The following SLC10A7 variants were observed in gnomAD, a reference collection of about 807,000 sequenced individuals.
SLC10A7 encodes solute carrier family 10 member 7, also known as sodium/bile acid cotransporter 7.
SLC10A7 carries 29 observed loss-of-function variants against 43.2 expected under a neutral mutation model. The ratio of observed to expected loss-of-function variants is 0.67; its 90% CI spans 0.50 to 0.92. The LOEUF (loss-of-function observed/expected upper bound fraction) is 0.92. Among genes scored for constraint, SLC10A7 ranks in the 40% least tolerant of loss-of-function variants. SLC10A7 has a pLI of 0.00. For synonymous variants in SLC10A7, 152 were observed against 144.8 expected (o/e 1.05, Z -0.35); for missense variants, 295 against 403.2 (o/e 0.73, Z 2.30).
chr4:146,386,156 A>T (rs1737978327), intron 5 of SLC10A7, among the ~76,000 whole-genome samples: 1 of 152,098 alleles, frequency 6.6e-6, no homozygotes, highest in Non-Finnish European at 1.5e-5. Flanking sequence ...GAACTCTCCA[A>T]ACTGCTTTCC....
chr4:146,296,944 T>C (rs1434687566), intron 7 of SLC10A7, among the ~76,000 whole-genome samples: 8 of 152,172 alleles, frequency 5.3e-5, no homozygotes, highest in African/African-American at 1.7e-4. Context: ...ATTTTAAAAT[T>C]CTCCAAACTT....
intron 4 of SLC10A7, among the ~76,000 whole-genome samples, chr4:146,471,813 G>A (rs1579277034): frequency 6.6e-6 from 1 of 152,108 alleles, no homozygotes; most frequent in Non-Finnish European, 1.5e-5. Context: ...AGTAGAGCCT[G>A]CATTTGAACA....
chr4:146,449,945 C>A (rs1483724526), intron 4 of SLC10A7, among the ~76,000 whole-genome samples: 1 of 151,976 alleles, frequency 6.6e-6, no homozygotes, highest in Non-Finnish European at 1.5e-5. Flanking sequence ...ACCAGAAAAC[C>A]ATGAGATTGA....
intron 5 of SLC10A7, among the ~76,000 whole-genome samples, chr4:146,431,076 T>C (rs1729740557): frequency 6.6e-6 from 1 of 152,182 alleles, no homozygotes; most frequent in South Asian, 2.1e-4. Flanking sequence ...ATGAAGTTTC[T>C]ATAATTTTCC....
At chr4:146,324,352 G>A (rs998544630) in intron 6 of SLC10A7, among the ~76,000 whole-genome samples, 6 of 152,090 alleles carry the variant, frequency 3.9e-5, no homozygotes, top group African/African-American at 1.4e-4. Flanking sequence ...CCAAAAAAGA[G>A]CCTGCATTGC....
intron 6 of SLC10A7, among the ~76,000 whole-genome samples, chr4:146,311,547 C>A (rs1183081249): frequency 6.6e-6 from 1 of 152,106 alleles, no homozygotes; most frequent in Non-Finnish European, 1.5e-5. Flanking sequence ...ATAATTCACC[C>A]TTGATGATTG....
intron 4 of SLC10A7, among the ~76,000 whole-genome samples, chr4:146,465,220 A>T (rs970781940): frequency 2.0e-5 from 3 of 152,154 alleles, no homozygotes; most frequent in Non-Finnish European, 2.9e-5. Context: ...AAACAAGTTT[A>T]TGAAATTGAT....
chr4:146,259,267 T>G (rs1367685527), intron 10 of SLC10A7, among the ~76,000 whole-genome samples: 1 of 152,188 alleles, frequency 6.6e-6, no homozygotes, highest in Admixed American at 6.5e-5. Context: ...TCCCAAAGCT[T>G]GCTTTTGAGA....
rs35773390 is a variant in SLC10A7, at chr4:146,467,454, AACACACACAC to A, written c.397-24643_397-24634del. On this transcript the variant is annotated intron_variant, in intron 4 of 11. Coordinates refer to ENST00000335472, the MANE Select transcript of SLC10A7 (RefSeq NM_001029998.6). The stretch of plus-strand genomic sequence containing the variant: ...CAGTCAACTCTGAAAAGCAGGTTTA[AACACACACAC>A]ACACACACACACACACACACACACA... Among the ~76,000 whole-genome samples, 747 of 140,796 alleles carry A rather than the reference AACACACACAC, an allele frequency of 5.3e-3. 4 individuals are homozygous for A. Among genetic ancestry groups the A allele is most frequent in the Non-Finnish European group, 6.0e-3 (392 of 64,810 alleles). The allele number at this position is 140,796 out of a possible 152,430, so 92.4% of individuals were successfully genotyped here.
At chr4:146,397,335 T>C (rs928090489) in intron 5 of SLC10A7, among the ~76,000 whole-genome samples, 3 of 152,160 alleles carry the variant, frequency 2.0e-5, no homozygotes, top group Non-Finnish European at 2.9e-5. Flanking sequence ...TTTTCAGACA[T>C]CTGGGTATTT....
intron 6 of SLC10A7, among the ~76,000 whole-genome samples, chr4:146,310,667 T>A (rs1260689663): frequency 6.6e-6 from 1 of 152,110 alleles, no homozygotes; most frequent in Admixed American, 6.6e-5. Context: ...GCATGTGGAA[T>A]AATTTAATTC....
chr4:146,498,649 G>T (rs1736131484), intron 4 of SLC10A7, among the ~76,000 whole-genome samples: 1 of 152,158 alleles, frequency 6.6e-6, no homozygotes, highest in Admixed American at 6.5e-5. Context: ...CACAAAAGAA[G>T]ATTGTCAGTC....
intron 5 of SLC10A7, among the ~76,000 whole-genome samples, chr4:146,376,699 A>G (rs1349309017): frequency 6.6e-6 from 1 of 151,968 alleles, no homozygotes; most frequent in Non-Finnish European, 1.5e-5. Flanking sequence ...ACTTGAACAT[A>G]AATTCAATTT....
chr4:146,434,549 C>T (rs1177485229), intron 5 of SLC10A7, among the ~76,000 whole-genome samples: 1 of 151,998 alleles, frequency 6.6e-6, no homozygotes, highest in Non-Finnish European at 1.5e-5. Flanking sequence ...TACTGCATTA[C>T]GTGAAGTTGT....
At position 146,290,196 on chromosome 4, in the gene SLC10A7, A is replaced by T. The variant is rs996962661; in HGVS notation, c.773+2733T>A. On this transcript the variant is annotated intron_variant, in intron 9 of 11. Coordinates refer to ENST00000335472, the MANE Select transcript of SLC10A7 (RefSeq NM_001029998.6). ...AAAATTAGCCAGGCGTGGTGGCGGG[A>T]GCCTGTAGTCCCAGCTACTTGGGAG... Among the ~76,000 whole-genome samples, 5 of 150,942 alleles carry T rather than the reference A, an allele frequency of 3.3e-5. No homozygotes were observed. The South Asian group carries it at 6.3e-4, about 19-fold the overall frequency.
At chr4:146,507,027 A>G (rs1736976826) in intron 3 of SLC10A7, among the ~76,000 whole-genome samples, 1 of 152,196 alleles carries the variant, frequency 6.6e-6, no homozygotes, top group African/African-American at 2.4e-5. Flanking sequence ...TACACTGTGA[A>G]ATCATTACCA....
At chr4:146,515,317 T>C (rs1189640443) in intron 2 of SLC10A7, among the ~76,000 whole-genome samples, 3 of 152,204 alleles carry the variant, frequency 2.0e-5, no homozygotes, top group Non-Finnish European at 4.4e-5. Flanking sequence ...CAGGAAGACC[T>C]CCAAGCAAGA....
At chr4:146,259,178 C>T (rs1728065111) in intron 10 of SLC10A7, among the ~76,000 whole-genome samples, 1 of 152,096 alleles carries the variant, frequency 6.6e-6, no homozygotes, top group African/African-American at 2.4e-5. Flanking sequence ...GAGGGAGATG[C>T]TAAAAATGGA....
intron 10 of SLC10A7, among the ~76,000 whole-genome samples, chr4:146,277,208 A>T (rs1211562727): frequency 2.0e-5 from 3 of 152,188 alleles, no homozygotes; most frequent in Non-Finnish European, 2.9e-5. Context: ...ATCAGGGTGA[A>T]CATCTGGCAT....
Sources: gnomAD v4.1 joint callset for allele counts (sites outside exome capture counted in the v4.1 genomes callset) on GRCh38, gnomAD v4.1.1 for gene constraint, MANE v1.5 for transcripts, NCBI Gene and HGNC (gene_info 2026-07-23, HGNC 2026-07-21) for gene names.